Variants in VGLL4 observed in about 807,000 individuals in gnomAD.
VGLL4 encodes transcription cofactor vestigial-like protein 4.
A neutral mutation model predicts 21.0 loss-of-function variants in VGLL4; 7 were observed. The ratio of observed to expected loss-of-function variants is 0.33; its 90% CI spans 0.19 to 0.63. VGLL4 has a LOEUF of 0.63. Ranked by LOEUF, VGLL4 falls within the 20% of genes least tolerant of loss-of-function variation. The probability of loss-of-function intolerance (pLI) is 0.78; values close to 1 mark genes in which losing one functional copy is unlikely to be tolerated. For missense variants in VGLL4, 394 were observed against 425.7 expected (o/e 0.93, Z 0.66); for synonymous variants, 222 against 173.2 (o/e 1.28, Z -2.21).
At position 11,558,838 on chromosome 3, in the gene VGLL4, G is replaced by A; in HGVS notation, c.620-11C>T. On this transcript the variant is annotated splice_polypyrimidine_tract_variant and intron_variant, in intron 4 of 4. Coordinates refer to ENST00000430365, the MANE Select transcript of VGLL4 (RefSeq NM_001128219.3). ...CACAGGTGGTGGCAGCTGCAGGCAA[G>A]CAGGAAGGCAGGCAGTCAGACACAG... 6.2e-7 allele frequency: 1 copy of A among 1,608,642 alleles called. No individual in the cohort carries two copies. The highest frequency in any genetic ancestry group is 1.1e-5 in the South Asian group (1 of 91,002).
intron 1 of VGLL4, among the ~76,000 whole-genome samples, chr3:11,703,278 G>A (rs1362949335): frequency 1.3e-5 from 2 of 152,224 alleles, no homozygotes; most frequent in Non-Finnish European, 2.9e-5. Context: ...AGCAGCTGAT[G>A]TAGGAACTAA....
intron 1 of VGLL4, among the ~76,000 whole-genome samples, chr3:11,632,377 A>T (rs2075500642): frequency 6.6e-6 from 1 of 152,186 alleles, no homozygotes; most frequent in Non-Finnish European, 1.5e-5. Context: ...TTTCATTCCT[A>T]TTAAGACCCA....
At chr3:11,570,526 C>A (rs1208065828) in intron 2 of VGLL4, among the ~76,000 whole-genome samples, 1 of 152,136 alleles carries the variant, frequency 6.6e-6, no homozygotes, top group African/African-American at 2.4e-5. Flanking sequence ...CTCCTTGGCT[C>A]CGCACGGGTG....
rs1559932576 is a variant in VGLL4, at chr3:11,665,103, T to TTTTC, written c.64+37867_64+37868insGAAA. On this transcript the variant is annotated intron_variant, in intron 2 of 5. Coordinates refer to the VGLL4 transcript ENST00000273038. Reference sequence around the variant, plus strand: ...ATGAAAGCAATTTGAATATTTTTCTTTTTTTTTTTTTTTTTTTTTTTTTTT... The same window carrying TTTTC: ...ATGAAAGCAATTTGAATATTTTTCTTTTTCTTTTTTTTTTTTTTTTTTTTTTTTT... Among the ~76,000 whole-genome samples, 12 of 24,966 alleles carry TTTTC rather than the reference T, an allele frequency of 4.8e-4. 3 individuals carry two copies. The highest frequency in any genetic ancestry group is 8.0e-4 in the Non-Finnish European group (8 of 9,992). The allele number at this position is 24,966 out of a possible 152,430, so 16.4% of individuals were successfully genotyped here. A position where few individuals can be genotyped will look rare whatever the true frequency, so the allele number is the denominator to read the frequency against.
chr3:11,615,210 C>T (rs2075139506), intron 1 of VGLL4, among the ~76,000 whole-genome samples: 1 of 152,180 alleles, frequency 6.6e-6, no homozygotes, highest in Non-Finnish European at 1.5e-5. Flanking sequence ...ACTGACCTGT[C>T]TCTTTTTTGG....
intron 2 of VGLL4, among the ~76,000 whole-genome samples, chr3:11,601,192 A>G (rs144318334): frequency 1.6e-4 from 25 of 152,304 alleles, no homozygotes; most frequent in African/African-American, 5.5e-4. Flanking sequence ...AAATAACAAA[A>G]CTGAGGCCCA....
intron 2 of VGLL4, among the ~76,000 whole-genome samples, chr3:11,657,035 G>C (rs1222492378): frequency 2.0e-5 from 3 of 152,190 alleles, no homozygotes; most frequent in East Asian, 3.9e-4. Flanking sequence ...CCCAAGCTGA[G>C]CCCTCTGTAC....
chr3:11,656,704 G>A (rs2075964091), intron 2 of VGLL4, among the ~76,000 whole-genome samples: 1 of 152,208 alleles, frequency 6.6e-6, no homozygotes, highest in African/African-American at 2.4e-5. Flanking sequence ...TAGCAAGCCA[G>A]GTAAGCACTG....
At chr3:11,667,422 T>C (rs1188905657) in intron 2 of VGLL4, among the ~76,000 whole-genome samples, 1 of 152,272 alleles carries the variant, frequency 6.6e-6, no homozygotes, top group East Asian at 1.9e-4. Flanking sequence ...CGTACCTTTA[T>C]ATTAGGTAAA....
chr3:11,635,038 G>C (rs1176063584), intron 1 of VGLL4, among the ~76,000 whole-genome samples: 1 of 152,142 alleles, frequency 6.6e-6, no homozygotes, highest in African/African-American at 2.4e-5. Flanking sequence ...GTATTGCATG[G>C]CATAAAGAGA....
intron 1 of VGLL4, among the ~76,000 whole-genome samples, chr3:11,628,736 T>C (rs545551252): frequency 6.6e-6 from 1 of 152,102 alleles, no homozygotes. Flanking sequence ...AGAAGAATGG[T>C]GTGAACACGG....
chr3:11,574,793 G>A (rs1429544185), intron 2 of VGLL4, among the ~76,000 whole-genome samples: 43 of 108,944 alleles, frequency 3.9e-4, no homozygotes, highest in African/African-American at 1.8e-3. Flanking sequence ...ATATGTGTGT[G>A]TGTGTGTGTG....
intron 2 of VGLL4, among the ~76,000 whole-genome samples, chr3:11,567,232 A>G (rs950645570): frequency 2.6e-5 from 4 of 152,206 alleles, no homozygotes; most frequent in Admixed American, 6.6e-5. Context: ...AGAGGACTCT[A>G]AATGGGGGAC....
intron 2 of VGLL4, among the ~76,000 whole-genome samples, chr3:11,599,425 G>T (rs2074727896): frequency 6.7e-6 from 1 of 149,294 alleles, no homozygotes; most frequent in African/African-American, 2.5e-5. Context: ...ATAAAATTTG[G>T]CGATTCTATT....
At chr3:11,671,292 T>A in intron 2 of VGLL4, 1 of 1,594,976 alleles carries the variant, frequency 6.3e-7, no homozygotes. Context: ...CTCCAACTTT[T>A]GAGTGCACAG....
chr3:11,643,400 C>A (rs576933801), intron 1 of VGLL4, 37 bp downstream of exon 1: 1 of 1,613,732 alleles, frequency 6.2e-7, no homozygotes. Flanking sequence ...GTGGCCGGGA[C>A]GAGCAACGGG....
intron 2 of VGLL4, among the ~76,000 whole-genome samples, chr3:11,677,323 G>A (rs1284155455): frequency 2.0e-5 from 3 of 151,668 alleles, no homozygotes; most frequent in African/African-American, 7.3e-5. Context: ...CCAGGCTGGA[G>A]AGCAATGGTG....
At chr3:11,558,980 C>G (rs574129358) in intron 4 of VGLL4, among the ~76,000 whole-genome samples, 153 bp from the exon 5 acceptor site, 60 of 152,336 alleles carry the variant, frequency 3.9e-4, no homozygotes, top group Non-Finnish European at 6.9e-4. Context: ...CCGGCTAAGT[C>G]AGGCACTTGG....
chr3:11,705,224 G>A (rs547675599), intron 1 of VGLL4, among the ~76,000 whole-genome samples: 1 of 152,340 alleles, frequency 6.6e-6, no homozygotes, highest in Admixed American at 6.5e-5. Context: ...GTGGAACGGA[G>A]TAGATAGAGC....
Sources: gnomAD v4.1 joint callset for allele counts (sites outside exome capture counted in the v4.1 genomes callset) on GRCh38, gnomAD v4.1.1 for gene constraint, MANE v1.5 for transcripts, NCBI Gene and HGNC (gene_info 2026-07-23, HGNC 2026-07-21) for gene names.